ME1: variants seen among roughly 807,000 people sequenced by gnomAD.
The protein encoded by ME1 is NADP-dependent malic enzyme.
In ME1, 74 loss-of-function variants were observed where a neutral mutation model predicts 66.4. The observed-to-expected ratio is 1.11, with a 90% confidence interval of 0.92 to 1.35. ME1 has a LOEUF of 1.35. Among genes scored for constraint, ME1 ranks in the 40% most tolerant of loss-of-function variants. The probability of loss-of-function intolerance (pLI) is 0.00; values close to 1 mark genes in which losing one functional copy is unlikely to be tolerated. For synonymous variants in ME1, 251 were observed against 235.6 expected, an observed-to-expected ratio of 1.07 and a Z score of -0.60; for missense variants, 750 against 694.1, an observed-to-expected ratio of 1.08 and a Z score of -0.90.
At chr6:83,368,230 T>C (rs1371675132) in intron 3 of ME1, among the ~76,000 whole-genome samples, 2 of 151,934 alleles carry the variant, frequency 1.3e-5, no homozygotes, top group Admixed American at 6.6e-5. Flanking sequence ...ATAAAAGTTA[T>C]AATAATAACA....
In ME1 at chr6:83,356,426, T is replaced by G. The variant is rs571640258; in HGVS notation, c.363-4287A>C. The stretch of plus-strand genomic sequence containing the variant: ...TAAAAAAAGCTAACTTCAAGTAAAA[T>G]GTAGGTCTAAAGATCAGGAAATAGC... On this transcript the variant is annotated intron_variant, in intron 3 of 13. Transcript: ENST00000369705. Among the ~76,000 whole-genome samples the G allele has an allele frequency of 2.8e-4, 42 of 152,074 alleles. 2 individuals are homozygous for G. The South Asian group carries it at 8.7e-3, about 32-fold the overall frequency.
intron 2 of ME1, among the ~76,000 whole-genome samples, chr6:83,406,157 C>G (rs1354080373): frequency 6.6e-6 from 1 of 152,188 alleles, no homozygotes; most frequent in East Asian, 1.9e-4. Context: ...GTCGAACCAG[C>G]CTTGCATCCC....
chr6:83,315,993 T>A (rs1442369749), intron 5 of ME1, among the ~76,000 whole-genome samples: 1 of 152,094 alleles, frequency 6.6e-6, no homozygotes, highest in African/African-American at 2.4e-5. Flanking sequence ...AAATAAAATA[T>A]TTCATTTGTG....
intron 5 of ME1, among the ~76,000 whole-genome samples, chr6:83,345,148 C>T (rs767724247): frequency 2.6e-5 from 4 of 152,106 alleles, no homozygotes; most frequent in Non-Finnish European, 5.9e-5. Context: ...TGTAGGTACA[C>T]ACCACCTCTC....
chr6:83,292,134 A>G (rs1231454055), intron 6 of ME1, among the ~76,000 whole-genome samples: 2 of 152,132 alleles, frequency 1.3e-5, no homozygotes, highest in African/African-American at 4.8e-5. Context: ...AATTCATCAA[A>G]TTCATTCTCC....
intron 5 of ME1, among the ~76,000 whole-genome samples, chr6:83,328,440 ATATC>A (rs1465456412): frequency 6.6e-6 from 1 of 152,174 alleles, no homozygotes; most frequent in African/African-American, 2.4e-5. Context: ...TTCTGCACAT[ATATC>A]CCAGAACTTA....
intron 1 of ME1, among the ~76,000 whole-genome samples, chr6:83,412,028 A>C (rs1770057569): frequency 6.6e-6 from 1 of 152,180 alleles, no homozygotes; most frequent in African/African-American, 2.4e-5. Flanking sequence ...ATGAAAAGAA[A>C]ATTCCTGACA....
intron 6 of ME1, among the ~76,000 whole-genome samples, chr6:83,265,523 A>G (rs1766973644): frequency 6.6e-6 from 1 of 151,828 alleles, no homozygotes; most frequent in Non-Finnish European, 1.5e-5. Context: ...CTAGTCTCAA[A>G]CTCCTCAGCT....
rs1767068819 is a variant in ME1, at chr6:83,270,718, A to T, written c.705-16980T>A. Among the ~76,000 whole-genome samples, 3 of 152,206 alleles carry T rather than the reference A, an allele frequency of 2.0e-5. No homozygotes were observed. The South Asian group carries it at 6.2e-4, about 31-fold the overall frequency. ...TAAACTAATAATCTCTGAGAAGAGG[A>T]TGCATAATATGTGGAATTTCTCATT... On this transcript the variant is annotated intron_variant, in intron 6 of 13. Coordinates refer to ENST00000369705, the MANE Select transcript of ME1 (RefSeq NM_002395.6).
intron 1 of ME1, among the ~76,000 whole-genome samples, chr6:83,410,742 G>A (rs1358888908): frequency 6.6e-6 from 1 of 152,122 alleles, no homozygotes; most frequent in Non-Finnish European, 1.5e-5. Context: ...CTTGTGAGAT[G>A]TACTAACATA....
intron 6 of ME1, among the ~76,000 whole-genome samples, chr6:83,278,486 G>A (rs1767231199): frequency 6.6e-6 from 1 of 152,186 alleles, no homozygotes; most frequent in Non-Finnish European, 1.5e-5. Context: ...CTGTCGCCCA[G>A]GCTAGAGTGC....
chr6:83,426,778 G>C (rs1338630357), intron 1 of ME1, among the ~76,000 whole-genome samples: 1 of 152,108 alleles, frequency 6.6e-6, no homozygotes, highest in Non-Finnish European at 1.5e-5. Flanking sequence ...GACTTATACT[G>C]AACCAAACTG....
At chr6:83,227,087 T>A (rs1162967575) in intron 11 of ME1, among the ~76,000 whole-genome samples, 1 of 102,860 alleles carries the variant, frequency 9.7e-6, no homozygotes, top group African/African-American at 5.9e-5. Context: ...CTTAGATATC[T>A]ATTTCCAAAT....
chr6:83,424,017 A>G (rs956947582), intron 1 of ME1, among the ~76,000 whole-genome samples: 5 of 148,594 alleles, frequency 3.4e-5, no homozygotes, highest in African/African-American at 1.0e-4. Flanking sequence ...GGACGGACTG[A>G]GTCTGGGAGG....
chr6:83,254,202 G>A (rs1583342301), intron 6 of ME1, among the ~76,000 whole-genome samples: 2 of 152,174 alleles, frequency 1.3e-5, no homozygotes, highest in East Asian at 1.9e-4. Context: ...CAAAATAACT[G>A]AGCTGAAAGA....
intron 6 of ME1, among the ~76,000 whole-genome samples, chr6:83,306,361 A>G (rs1472726703): frequency 2.0e-5 from 3 of 152,008 alleles, no homozygotes; most frequent in Non-Finnish European, 2.9e-5. Flanking sequence ...TTAATAATCT[A>G]ATTTTCAAAT....
intron 5 of ME1, among the ~76,000 whole-genome samples, chr6:83,333,443 A>G (rs1370911251): frequency 3.9e-5 from 6 of 152,332 alleles, no homozygotes; most frequent in Admixed American, 3.3e-4. Context: ...GTGAAAGAAT[A>G]AATACAAAAA....
Position 83,221,418 on chromosome 6 carries a change from T to A in ME1, c.1449+2342A>T, listed in dbSNP as rs117698556. Among the ~76,000 whole-genome samples, 303 of 152,190 alleles carry A rather than the reference T, an allele frequency of 2.0e-3. 6 individuals carry two copies. Among genetic ancestry groups the A allele is most frequent in the East Asian group, 0.019 (97 of 5,170 alleles). On this transcript the variant is annotated intron_variant, in intron 12 of 13. Coordinates refer to ENST00000369705, the MANE Select transcript of ME1 (RefSeq NM_002395.6). ...AATTCTCAGGTCTTTCCAGACAGGA[T>A]AAGAGATAAAGCAGTTACACAGGCA...
chr6:83,399,643 C>T (rs933681562), intron 2 of ME1, among the ~76,000 whole-genome samples: 5 of 152,086 alleles, frequency 3.3e-5, no homozygotes, highest in African/African-American at 1.2e-4. Flanking sequence ...CATTTCTGAC[C>T]CAGAGTTATC....
Sources: allele counts gnomAD v4.1 joint callset (sites outside exome capture counted in the v4.1 genomes callset), GRCh38; gene constraint gnomAD v4.1.1; transcripts MANE v1.5; gene names NCBI Gene and HGNC (gene_info 2026-07-23, HGNC 2026-07-21).